Variants in IL1RAPL2 observed in about 807,000 individuals in gnomAD.
The protein encoded by IL1RAPL2 is interleukin 1 receptor accessory protein like 2.
In IL1RAPL2, 3 loss-of-function variants were observed where a neutral mutation model predicts 44.1. That is an observed-to-expected ratio of 0.07 (90% CI 0.03 to 0.18). IL1RAPL2 has a LOEUF of 0.18. Ranked by LOEUF, IL1RAPL2 falls within the 10% of genes least tolerant of loss-of-function variation. The pLI, the probability that IL1RAPL2 is intolerant of heterozygous loss-of-function variation, is 1.00. For missense variants in IL1RAPL2, 391 were observed against 496.4 expected (o/e 0.79, Z 2.02); for synonymous variants, 181 against 178.8 (o/e 1.01, Z -0.10).
At chrX:104,903,760 G>A (rs1370363414) in intron 2 of IL1RAPL2, among the ~76,000 whole-genome samples, 1 of 109,706 alleles carries the variant, frequency 9.1e-6, no homozygotes, top group South Asian at 4.0e-4. Flanking sequence ...TGTATTTTTA[G>A]TAGAAGCGGG....
intron 1 of IL1RAPL2, among the ~76,000 whole-genome samples, chrX:104,609,610 T>C (rs1010871182): frequency 1.8e-5 from 2 of 111,870 alleles, no homozygotes; most frequent in African/African-American, 3.3e-5. Context: ...GATCTTCAAT[T>C]ACTGATATCC....
intron 4 of IL1RAPL2, among the ~76,000 whole-genome samples, chrX:105,239,895 A>G (rs2034155053): frequency 8.9e-6 from 1 of 111,890 alleles, no homozygotes. Flanking sequence ...ATCTGTTATA[A>G]CATCACCCTT....
At chrX:105,663,753 G>C (rs1333583525) in intron 6 of IL1RAPL2, among the ~76,000 whole-genome samples, 2 of 112,042 alleles carry the variant, frequency 1.8e-5, no homozygotes, top group Non-Finnish European at 1.9e-5. Context: ...GTCTTGACAT[G>C]ACAGGAAAAA....
At chrX:104,997,827 G>A (rs2030775877) in intron 2 of IL1RAPL2, among the ~76,000 whole-genome samples, 1 of 111,589 alleles carries the variant, frequency 9.0e-6, no homozygotes, top group African/African-American at 3.3e-5. Flanking sequence ...GACAGTTTCT[G>A]ATTGAGGGTA....
chrX:105,071,675 C>T (rs1446853723), intron 2 of IL1RAPL2, among the ~76,000 whole-genome samples: 1 of 111,776 alleles, frequency 8.9e-6, no homozygotes, highest in Non-Finnish European at 1.9e-5. Flanking sequence ...AACACTTATA[C>T]AGACCAATGG....
chrX:105,231,732 T>C (rs782198548), intron 3 of IL1RAPL2, among the ~76,000 whole-genome samples: 1 of 112,032 alleles, frequency 8.9e-6, no homozygotes, highest in East Asian at 2.8e-4. Context: ...GTGTGTTCAA[T>C]GAACAGAGAA....
At chrX:105,218,250 G>A (rs2033886192) in intron 3 of IL1RAPL2, among the ~76,000 whole-genome samples, 1 of 111,212 alleles carries the variant, frequency 9.0e-6, no homozygotes, top group African/African-American at 3.3e-5. Flanking sequence ...TGATTCCTCT[G>A]TGCCTGTCTG....
At chrX:105,128,881 G>C (rs192307526) in intron 2 of IL1RAPL2, among the ~76,000 whole-genome samples, 24 of 111,295 alleles carry the variant, frequency 2.2e-4, no homozygotes, top group African/African-American at 7.5e-4. Flanking sequence ...GTGTTAGATT[G>C]ATAAATTGGC....
chrX:104,570,089 C>G (rs1259682315), intron 1 of IL1RAPL2, among the ~76,000 whole-genome samples: 1 of 111,605 alleles, frequency 9.0e-6, no homozygotes, highest in Non-Finnish European at 1.9e-5. Context: ...TAAAAAGTCC[C>G]AAGTTTGAGG....
chrX:105,682,118 C>G (rs1053884858), intron 6 of IL1RAPL2, among the ~76,000 whole-genome samples: 1 of 110,265 alleles, frequency 9.1e-6, no homozygotes, highest in Non-Finnish European at 1.9e-5. Flanking sequence ...TTAAGCCTGC[C>G]GAAAAAAGTT....
chrX:105,512,285 T>C (rs1337406816), intron 6 of IL1RAPL2, among the ~76,000 whole-genome samples: 1 of 111,823 alleles, frequency 8.9e-6, no homozygotes, highest in Non-Finnish European at 1.9e-5. Flanking sequence ...AATCTATTGG[T>C]GAATTCTGTT....
intron 6 of IL1RAPL2, among the ~76,000 whole-genome samples, chrX:105,659,549 C>T (rs1221894862): frequency 8.4e-5 from 9 of 107,628 alleles, no homozygotes; most frequent in South Asian, 8.3e-4. Flanking sequence ...CCCAGCCACT[C>T]GGGAGGCTGA....
chrX:104,609,698 A>T (rs374728371), intron 1 of IL1RAPL2, among the ~76,000 whole-genome samples: 12 of 111,661 alleles, frequency 1.1e-4, no homozygotes, highest in African/African-American at 3.3e-4. Context: ...TTTCAGCCCC[A>T]TCAGGTCATT....
intron 6 of IL1RAPL2, among the ~76,000 whole-genome samples, chrX:105,681,466 T>A (rs765642573): frequency 8.9e-6 from 1 of 112,078 alleles, no homozygotes. Context: ...ATTTAAAAAT[T>A]TACATCATAG....
chrX:105,607,832 A>G (rs1020910875), intron 6 of IL1RAPL2, among the ~76,000 whole-genome samples: 1 of 109,776 alleles, frequency 9.1e-6, no homozygotes, highest in African/African-American at 3.3e-5. Context: ...GGCATATTAT[A>G]TAAGGGTCTT....
rs773814115 is a variant in IL1RAPL2, at chrX:104,603,798, G to A, written c.-20+36747G>A. 6.3e-5 allele frequency among the ~76,000 whole-genome samples: 7 copies of A among 111,932 alleles called. No homozygotes were observed. The East Asian group carries it at 2.0e-3, about 31-fold the overall frequency. On this transcript the variant is annotated intron_variant, in intron 1 of 10. Coordinates refer to ENST00000372582, the MANE Select transcript of IL1RAPL2 (RefSeq NM_017416.2). ...TGAGCAAAGCATCCAAATAAATATG[G>A]GACTATGTGAAAAGACCAAATCTAC...
chrX:105,672,929 G>A (rs766878161), intron 6 of IL1RAPL2, among the ~76,000 whole-genome samples: 1 of 111,070 alleles, frequency 9.0e-6, no homozygotes, highest in South Asian at 3.8e-4. Context: ...CTGGGTTTCT[G>A]GCTTGTTCAG....
chrX:105,581,013 T>C (rs1014387735), intron 6 of IL1RAPL2, among the ~76,000 whole-genome samples: 1 of 111,205 alleles, frequency 9.0e-6, no homozygotes, highest in Non-Finnish European at 1.9e-5. Flanking sequence ...TCTGAAGTAG[T>C]TGGAAGTCCC....
intron 6 of IL1RAPL2, among the ~76,000 whole-genome samples, chrX:105,574,973 T>A (rs888891923): frequency 4.6e-4 from 51 of 111,572 alleles, no homozygotes; most frequent in Admixed American, 1.0e-3. Flanking sequence ...AAAGTTAGAA[T>A]TAAAGATATG....
Sources: gnomAD v4.1 joint callset for allele counts (sites outside exome capture counted in the v4.1 genomes callset) on GRCh38, gnomAD v4.1.1 for gene constraint, MANE v1.5 for transcripts, NCBI Gene and HGNC (gene_info 2026-07-23, HGNC 2026-07-21) for gene names.